Variants in DOK6 observed in about 807,000 individuals in gnomAD.
The protein encoded by DOK6 is downstream of tyrosine kinase 6.
Under a neutral mutation model 44.0 loss-of-function variants are expected in DOK6, and 22 were observed. The observed-to-expected ratio is 0.50, with a 90% CI of 0.36 to 0.71. The LOEUF is 0.71. Ranked by LOEUF, DOK6 falls within the 30% of genes least tolerant of loss-of-function variation. The pLI, the probability that DOK6 is intolerant of heterozygous loss-of-function variation, is 0.00. For missense variants in DOK6, 340 were observed against 416.4 expected (o/e 0.82, Z 1.60); for synonymous variants, 166 against 145.5 (o/e 1.14, Z -1.01).
intron 1 of DOK6, among the ~76,000 whole-genome samples, chr18:69,479,900 C>G (rs1055869753): frequency 6.6e-6 from 1 of 152,058 alleles, no homozygotes; most frequent in Admixed American, 6.6e-5. Flanking sequence ...GTGGTAGGGA[C>G]CTGATTTTAA....
chr18:69,549,654 T>G (rs1982508303), intron 1 of DOK6, among the ~76,000 whole-genome samples: 1 of 151,534 alleles, frequency 6.6e-6, no homozygotes, highest in Non-Finnish European at 1.5e-5. Flanking sequence ...TCTCAACTCA[T>G]CAAGTGGTTT....
chr18:69,508,591 G>T (rs565898483), intron 1 of DOK6, among the ~76,000 whole-genome samples: 2 of 152,330 alleles, frequency 1.3e-5, no homozygotes, highest in East Asian at 3.9e-4. Flanking sequence ...TGAGTGTGAG[G>T]ATGGAGGTGG....
intron 2 of DOK6, among the ~76,000 whole-genome samples, chr18:69,577,657 TGAGCACCATCTGTGTA>T (rs992490431): frequency 3.3e-5 from 5 of 152,150 alleles, no homozygotes; most frequent in African/African-American, 1.2e-4. Flanking sequence ...GCCCACAGAC[TGAGCACCATCTGTGTA>T]GAGCATCTCT....
intron 3 of DOK6, among the ~76,000 whole-genome samples, chr18:69,612,425 G>GGCGCATGTGTGCGAC (rs1686742701): frequency 4.1e-5 from 6 of 147,360 alleles, no homozygotes; most frequent in Admixed American, 4.0e-4. Context: ...ATGTGTGCGA[G>GGCGCATGTGTGCGAC]GGCGCATGTG....
intron 2 of DOK6, among the ~76,000 whole-genome samples, chr18:69,583,383 T>C (rs1314301677): frequency 6.6e-6 from 1 of 152,230 alleles, no homozygotes; most frequent in East Asian, 1.9e-4. Flanking sequence ...TTTGTTTTTT[T>C]ACTGGAGTTT....
intron 2 of DOK6, among the ~76,000 whole-genome samples, chr18:69,570,178 C>A (rs953190201): frequency 8.5e-5 from 13 of 152,096 alleles, no homozygotes; most frequent in African/African-American, 2.4e-4. Context: ...TGCACATACA[C>A]CCCTAGCCTA....
intron 1 of DOK6, among the ~76,000 whole-genome samples, chr18:69,420,847 C>A (rs1004613681): frequency 3.9e-5 from 6 of 152,138 alleles, no homozygotes; most frequent in African/African-American, 1.2e-4. Flanking sequence ...GACATGATAC[C>A]CTTTTTCTAT....
Position 69,677,819 on chromosome 18 carries a change from C to A in DOK6, c.375C>A (p.Asp125Glu), listed in dbSNP as rs772233646. Reference protein sequence around the residue: ...RLNDISLGEPDLLAAGVQREQ... With the variant: ...RLNDISLGEPELLAAGVQREQ... The stretch of plus-strand genomic sequence containing the variant: ...ATGATATCAGCCTTGGGGAGCCCGA[C>A]CTTCTGGCCGCAGGAGTGCAGCGGG... The change falls in exon 4 of 8, where the codon GAC becomes GAA. Residue 125 changes from aspartate (D) to glutamate (E), a missense_variant. Asp to Glu is a conservative substitution (Grantham distance 45). Around this residue, in one of 3 missense-constraint regions of DOK6, gnomAD observed 206 missense variants for 258.6 expected, o/e 0.80. Transcript: ENST00000382713. The A allele has an allele frequency of 3.1e-6, 5 of 1,613,768 alleles. No homozygotes were observed. Among genetic ancestry groups the A allele is most frequent in the Non-Finnish European group, 3.4e-6 (4 of 1,179,798 alleles).
At chr18:69,507,174 C>T (rs191051917) in intron 1 of DOK6, among the ~76,000 whole-genome samples, 168 of 152,054 alleles carry the variant, frequency 1.1e-3, no homozygotes, top group African/African-American at 3.6e-3. Context: ...ACTACAGGCG[C>T]GTGCCACCGT....
intron 7 of DOK6, among the ~76,000 whole-genome samples, chr18:69,817,309 A>G (rs1981429540): frequency 6.6e-6 from 1 of 152,222 alleles, no homozygotes; most frequent in Non-Finnish European, 1.5e-5. Flanking sequence ...TTACTTAAAA[A>G]AAATGAAAAT....
chr18:69,724,673 G>A (rs766786), intron 5 of DOK6: 107,208 of 152,012 alleles, frequency 0.71, 38,067 homozygotes, highest in East Asian at 0.91. Context: ...CTTCCATAGA[G>A]TTTCATCTCA....
At chr18:69,479,966 A>G (rs1386614840) in intron 1 of DOK6, among the ~76,000 whole-genome samples, 2 of 152,172 alleles carry the variant, frequency 1.3e-5, no homozygotes, top group Admixed American at 1.3e-4. Context: ...GAAAAAGTCA[A>G]TTTCAAAACT....
At chr18:69,449,421 TA>T (rs1367062522) in intron 1 of DOK6, among the ~76,000 whole-genome samples, 11 of 152,230 alleles carry the variant, frequency 7.2e-5, no homozygotes, top group African/African-American at 2.4e-4. Context: ...AGCTAGATAA[TA>T]AGTTCATATC....
At chr18:69,797,763 T>A (rs1980790103) in intron 7 of DOK6, among the ~76,000 whole-genome samples, 1 of 152,168 alleles carries the variant, frequency 6.6e-6, no homozygotes, top group Admixed American at 6.6e-5. Flanking sequence ...CTCACAGTGC[T>A]ATCACTAAGC....
chr18:69,493,287 G>T (rs1214725559), intron 1 of DOK6, among the ~76,000 whole-genome samples: 4 of 152,106 alleles, frequency 2.6e-5, no homozygotes, highest in African/African-American at 9.7e-5. Context: ...TTTCTAAGAA[G>T]TAAGGGAGGT....
chr18:69,507,862 GT>G (rs1475865747), intron 1 of DOK6, among the ~76,000 whole-genome samples: 1 of 151,860 alleles, frequency 6.6e-6, no homozygotes, highest in Non-Finnish European at 1.5e-5. Context: ...TTGTAGCCTT[GT>G]TGCACTGACT....
intron 3 of DOK6, among the ~76,000 whole-genome samples, chr18:69,655,761 C>CAAAAAAAAAAAAAAAAAAAAA (rs74175379): frequency 2.3e-5 from 1 of 43,204 alleles, no homozygotes; most frequent in African/African-American, 1.1e-4. Context: ...CCCCACCCCT[C>CAAAAAAAAAAAAAAAAAAAAA]AAAAAAAAAA....
At chr18:69,524,923 T>A (rs143711410) in intron 1 of DOK6, among the ~76,000 whole-genome samples, 250 of 151,950 alleles carry the variant, frequency 1.6e-3, no homozygotes, top group African/African-American at 5.9e-3. Flanking sequence ...GCAAATTCAC[T>A]GGAGAGATGA....
intron 1 of DOK6, among the ~76,000 whole-genome samples, chr18:69,450,935 G>A (rs1455889667): frequency 1.5e-4 from 22 of 149,396 alleles, no homozygotes; most frequent in East Asian, 1.4e-3. Flanking sequence ...AGGAACAACC[G>A]GTACCAGCCG....
Sources: gnomAD v4.1 joint callset for allele counts (sites outside exome capture counted in the v4.1 genomes callset) on GRCh38, gnomAD v4.1.1 for gene constraint, gnomAD v4.1.1 regional missense constraint, MANE v1.5 for transcripts, NCBI Gene and HGNC (gene_info 2026-07-23, HGNC 2026-07-21) for gene names.